Variants in LPCAT4 observed in about 807,000 individuals in gnomAD.
LPCAT4 encodes the protein lysophospholipid acyltransferase LPCAT4.
LPCAT4 carries 30 observed loss-of-function variants against 66.5 expected under a neutral mutation model. The observed-to-expected ratio is 0.45, with a 90% CI of 0.34 to 0.61. LPCAT4 has a LOEUF of 0.61. LPCAT4 is among the 20% of genes least tolerant of loss of function. The probability of loss-of-function intolerance (pLI) is 0.01; values close to 1 mark genes in which losing one functional copy is unlikely to be tolerated. For missense variants in LPCAT4, 557 were observed against 656.7 expected (o/e 0.85, Z 1.66); for synonymous variants, 253 against 262.1 (o/e 0.97, Z 0.34).
intron 12 of LPCAT4, 22 bp from the exon 13 acceptor site, chr15:34,359,767 A>G (rs1462707281): frequency 6.3e-7 from 1 of 1,599,826 alleles, no homozygotes. Context: ...AAGGGATAAG[A>G]GTCAAGTTCT....
rs1306600942 is a variant in LPCAT4, at chr15:34,363,075, A to AT, written c.747-240_747-239insA. 3.3e-5 allele frequency among the ~76,000 whole-genome samples: 5 copies of AT among 152,236 alleles called. No individual in the cohort carries two copies. The highest frequency in any genetic ancestry group is 7.4e-5 in the Non-Finnish European group (5 of 67,992). Reference sequence around the variant, plus strand: ...AGAGCTGCATGGATATGCCAGAGGAAGAACTGTAGGCAAGAGGAGGTTTGA... The same window carrying AT: ...AGAGCTGCATGGATATGCCAGAGGAATGAACTGTAGGCAAGAGGAGGTTTGA... On this transcript the variant is annotated intron_variant, in intron 7 of 13. Transcript: ENST00000314891. The surrounding 1 kb of genome is among the most constrained non-coding windows in gnomAD (Gnocchi z 4.3).
chr15:34,362,158 G>C (rs200370231), intron 10 of LPCAT4, 38 bp downstream of exon 10: 20 of 1,153,488 alleles, frequency 1.7e-5, no homozygotes, highest in Non-Finnish European at 2.3e-5. Flanking sequence ...CTCTCTCTCT[G>C]TGACACTGCT....
At chr15:34,360,774 G>A (rs998869533) in intron 11 of LPCAT4, 7 of 153,724 alleles carry the variant, frequency 4.6e-5, no homozygotes, top group African/African-American at 1.7e-4. Flanking sequence ...TGTCCCTTCA[G>A]AGGATGTTGA....
chr15:34,365,299 C>G, intron 2 of LPCAT4, 71 bp from the exon 3 acceptor site: 3 of 1,472,930 alleles, frequency 2.0e-6, no homozygotes, highest in Middle Eastern at 2.4e-4. Flanking sequence ...GTTCAGACAC[C>G]GGGAAAGTAG....
At chr15:34,360,056 G>T in intron 12 of LPCAT4, 55 bp downstream of exon 12, 1 of 1,423,334 alleles carries the variant, frequency 7.0e-7, no homozygotes, top group Non-Finnish European at 9.8e-7. Context: ...TAGGCCTCCT[G>T]GAGCGGGGTG....
At chr15:34,361,610 T>C (rs1348901745) in intron 10 of LPCAT4, 78 bp from the exon 11 acceptor site, 2 of 1,568,438 alleles carry the variant, frequency 1.3e-6, no homozygotes, top group Non-Finnish European at 1.7e-6. Context: ...TCAGCCCCAG[T>C]ACCAAGAGTT....
chr15:34,360,033 C>A, intron 12 of LPCAT4, 78 bp downstream of exon 12: 1 of 1,212,942 alleles, frequency 8.2e-7, no homozygotes, highest in Non-Finnish European at 1.2e-6. Context: ...CTACTGGAAA[C>A]AGCATACCAA....
chr15:34,363,754 A>G lies in LPCAT4; in HGVS notation c.653-35T>C. The G allele has an allele frequency of 2.5e-6, 4 of 1,610,516 alleles. No individual in the cohort carries two copies. Among genetic ancestry groups the G allele is most frequent in the Non-Finnish European group, 3.4e-6 (4 of 1,176,988 alleles). Reference sequence around the variant, plus strand: ...ATTTCCACCCCCACCCCCACAAGGCAGAGGTTAGTACACAGAAGTAGCTAG... The same window carrying G: ...ATTTCCACCCCCACCCCCACAAGGCGGAGGTTAGTACACAGAAGTAGCTAG... On this transcript the variant is annotated intron_variant, in intron 5 of 13. Coordinates refer to ENST00000314891, the MANE Select transcript of LPCAT4 (RefSeq NM_153613.3). This position sits in a 1 kb window ranked among gnomAD's most constrained non-coding sequence, Gnocchi z 4.3.
chr15:34,362,062 T>A, intron 10 of LPCAT4, 134 bp downstream of exon 10: 1 of 1,199,992 alleles, frequency 8.3e-7, no homozygotes, highest in East Asian at 2.4e-5. Context: ...TTCCTTTTAT[T>A]TATTCTATTA....
Position 34,362,197 on chromosome 15 carries a change from C to T in LPCAT4, c.1009G>A (p.Gly337Arg). The T allele has an allele frequency of 6.2e-7, 1 of 1,613,790 alleles. No homozygotes were observed. The highest frequency in any genetic ancestry group is 1.1e-5 in the South Asian group (1 of 91,064). ...ACCCTCATTTCCAAGACCACTTACC[C>T]AGCCTTCCGAAGCACTTTTCCCAGT... Reference protein sequence around the residue: ...WELGKVLRKAGLSAGYVDAGA... With the variant: ...WELGKVLRKARLSAGYVDAGA... The change falls in exon 10 of 14, where the codon GGG becomes AGG. Residue 337 changes from glycine (G) to arginine (R), a missense_variant and splice_region_variant. Gly to Arg is a moderately radical substitution (Grantham distance 125). Around this residue, in one of 4 missense-constraint regions of LPCAT4, gnomAD observed 392 missense variants for 473.9 expected, o/e 0.83. Transcript: ENST00000314891.
chr15:34,366,163 A>G (rs1179265714), intron 1 of LPCAT4, among the ~76,000 whole-genome samples: 8 of 152,298 alleles, frequency 5.3e-5, no homozygotes, highest in Admixed American at 2.6e-4. Flanking sequence ...AAACAGCCAG[A>G]GGTCCAGTTT....
At chr15:34,366,921 A>C in intron 1 of LPCAT4, 66 bp downstream of exon 1, 4 of 1,526,850 alleles carry the variant, frequency 2.6e-6, no homozygotes, top group Non-Finnish European at 3.5e-6. Context: ...CACCTTTGCC[A>C]GGGCTCAAAT....
At chr15:34,366,135 T>A (rs771031514) in intron 1 of LPCAT4, 4 of 164,016 alleles carry the variant, frequency 2.4e-5, no homozygotes, top group Non-Finnish European at 5.4e-5. Context: ...ACTTTGGGCC[T>A]AGGAGGCAGA....
At position 34,359,618 on chromosome 15, in the gene LPCAT4, T is replaced by G; in HGVS notation, c.1370A>C (p.Gln457Pro). The G allele has an allele frequency of 6.2e-7, 1 of 1,613,000 alleles. No individual in the cohort carries two copies. Among genetic ancestry groups the G allele is most frequent in the Non-Finnish European group, 8.5e-7 (1 of 1,179,988 alleles). Reference protein sequence around the residue: ...AATALHAELCQAGSSQGLSLC... With the variant: ...AATALHAELCPAGSSQGLSLC... ...GGAGAGGCCTTGGCTGGATCCTGCC[T>G]GGCACAGCTCAGCATGCAAAGCTGT... The change falls in exon 13 of 14, where the codon CAG becomes CCG. Residue 457 changes from glutamine to proline, a missense_variant. By Grantham distance (76) the Gln-to-Pro change is moderately conservative (BLOSUM62 -1). This residue lies in a region of LPCAT4 where 392 missense variants were observed against 473.9 expected (regional missense o/e 0.83). Coordinates refer to ENST00000314891, the MANE Select transcript of LPCAT4 (RefSeq NM_153613.3).
chr15:34,362,490 C>T, intron 9 of LPCAT4, 83 bp downstream of exon 9: 2 of 1,436,484 alleles, frequency 1.4e-6, no homozygotes, highest in Non-Finnish European at 1.9e-6. Context: ...TCGATCTTTG[C>T]CTGAAAACCT....
Position 34,363,999 on chromosome 15 carries a change from A to G in LPCAT4, c.652+14T>C. On this transcript the variant is annotated intron_variant, in intron 5 of 13. Transcript: ENST00000314891. The surrounding 1 kb of genome is among the most constrained non-coding windows in gnomAD (Gnocchi z 4.3). ...TTTTTCCTACAGCCCACCACCCACT[A>G]TCATTTTATTCACCTGGTTTGAACT... 6.2e-7 allele frequency: 1 copy of G among 1,608,996 alleles called. No individual in the cohort carries two copies. The highest frequency in any genetic ancestry group is 2.2e-5 in the East Asian group (1 of 44,664).
chr15:34,364,920 G>T, intron 3 of LPCAT4, 88 bp downstream of exon 3: 1 of 1,112,620 alleles, frequency 9.0e-7, no homozygotes, highest in Non-Finnish European at 1.3e-6. Context: ...CCCACTTTGA[G>T]GCCAGTTCTT....
rs1890944452 is a variant in LPCAT4, at chr15:34,361,612, C to A, written c.1011-80G>T. 5.1e-6 allele frequency: 8 copies of A among 1,565,408 alleles called. No homozygotes were observed. In the South Asian group the frequency reaches 6.8e-5, roughly 13 times the overall value. On this transcript the variant is annotated intron_variant, in intron 10 of 13. Coordinates refer to ENST00000314891, the MANE Select transcript of LPCAT4 (RefSeq NM_153613.3). ...CATCAGCAGGACTTCAGCCCCAGTA[C>A]CAAGAGTTCTATCAGTACAGGTTTA...
chr15:34,367,075 C>T lies in LPCAT4; in HGVS notation c.26G>A (p.Trp9Ter). Reference protein sequence around the residue: MSQGSPGDWAPLDPTPGPP... With the variant: MSQGSPGD ...TCCGGGGGTGGGATCTAGGGGGGCC[C>T]AGTCCCCCGGACTTCCCTGGCTCAT... is the stretch of plus-strand genomic sequence containing the variant. The change falls in exon 1 of 14, where the codon TGG becomes TAG. Residue 9 changes from tryptophan to a stop codon, truncating the protein, a stop_gained. Transcript: ENST00000314891. LOFTEE classifies it high-confidence loss of function. 1.3e-6 allele frequency: 2 copies of T among 1,552,906 alleles called. No individual in the cohort carries two copies. The highest frequency in any genetic ancestry group is 1.7e-6 in the Non-Finnish European group (2 of 1,148,526).
Sources: allele counts gnomAD v4.1 joint callset (sites outside exome capture counted in the v4.1 genomes callset), GRCh38; gene constraint gnomAD v4.1.1; regional missense constraint gnomAD v4.1.1; non-coding constraint Gnocchi (gnomAD v3.1); transcripts MANE v1.5; gene names NCBI Gene and HGNC (gene_info 2026-07-23, HGNC 2026-07-21).